The following VWC2 variants were observed in gnomAD, a reference collection of about 807,000 sequenced individuals.
VWC2 encodes brorin.
VWC2 carries 14 observed loss-of-function variants against 29.8 expected under a neutral mutation model. The ratio of observed to expected loss-of-function variants is 0.47; its 90% confidence interval spans 0.31 to 0.74. The LOEUF is 0.74. Among genes scored for constraint, VWC2 ranks in the 30% least tolerant of loss-of-function variants. The probability of loss-of-function intolerance (pLI) is 0.05; values close to 1 mark genes in which losing one functional copy is unlikely to be tolerated. For synonymous variants in VWC2, 213 were observed against 199.0 expected (o/e 1.07, Z -0.59); for missense variants, 457 against 459.8 (o/e 0.99, Z 0.05).
At chr7:49,874,675 A>G (rs1457330180) in intron 3 of VWC2, among the ~76,000 whole-genome samples, 2 of 152,162 alleles carry the variant, frequency 1.3e-5, no homozygotes, top group Non-Finnish European at 2.9e-5. Context: ...TGGAATTTAT[A>G]AAATTGCTGT....
chr7:49,917,754 C>A lies in VWC2; in HGVS notation c.*5569C>A, dbSNP rs1032116491. 6.6e-6 allele frequency: 1 copy of A among 151,902 alleles called. No individual in the cohort carries two copies. Among genetic ancestry groups the A allele is most frequent in the African/African-American group, 2.4e-5 (1 of 41,378 alleles). The allele number at this position is 151,902 out of a possible 1,614,324, so 9.4% of individuals were successfully genotyped here. ...ATTTAGATGATTAATATTTAATGAT[C>A]ATTATTTTATTTAATGATTAATATT... is the stretch of plus-strand genomic sequence containing the variant. On this transcript the variant is annotated 3_prime_UTR_variant, in exon 4 of 4. Coordinates refer to ENST00000340652, the MANE Select transcript of VWC2 (RefSeq NM_198570.5).
intron 1 of VWC2, among the ~76,000 whole-genome samples, chr7:49,774,839 CGCATTTTCCCA>C (rs1788016175): frequency 6.6e-6 from 1 of 152,204 alleles, no homozygotes; most frequent in Admixed American, 6.5e-5. Flanking sequence ...TTAACCTCCC[CGCATTTTCCCA>C]GCACAACCCC....
chr7:49,777,218 T>C (rs1224679280), intron 2 of VWC2, among the ~76,000 whole-genome samples: 1 of 152,208 alleles, frequency 6.6e-6, no homozygotes, highest in Non-Finnish European at 1.5e-5. Context: ...GAGGGCGTTA[T>C]GGAACGTGCA....
At chr7:49,827,333 T>C (rs560186741) in intron 3 of VWC2, among the ~76,000 whole-genome samples, 1 of 152,264 alleles carries the variant, frequency 6.6e-6, no homozygotes, top group South Asian at 2.1e-4. Flanking sequence ...CTTTAAGTGT[T>C]ATTGTATAGT....
At chr7:49,862,149 T>A (rs928905182) in intron 3 of VWC2, among the ~76,000 whole-genome samples, 1 of 152,220 alleles carries the variant, frequency 6.6e-6, no homozygotes, top group African/African-American at 2.4e-5. Flanking sequence ...TTTCTTTAAT[T>A]TCTTTAAGCA....
chr7:49,807,412 C>T (rs566212993), intron 3 of VWC2, among the ~76,000 whole-genome samples: 5 of 152,212 alleles, frequency 3.3e-5, no homozygotes, highest in East Asian at 1.9e-4. Context: ...GTAATTAGCC[C>T]GTTGTGGTTT....
At chr7:49,799,156 C>T (rs1788674239) in intron 2 of VWC2, among the ~76,000 whole-genome samples, 1 of 152,182 alleles carries the variant, frequency 6.6e-6, no homozygotes, top group Non-Finnish European at 1.5e-5. Flanking sequence ...GTGATCAGGG[C>T]CCAACACTGG....
At chr7:49,834,707 A>G (rs753353048) in intron 3 of VWC2, among the ~76,000 whole-genome samples, 4 of 152,222 alleles carry the variant, frequency 2.6e-5, no homozygotes, top group Non-Finnish European at 5.9e-5. Flanking sequence ...GAAATCAAGT[A>G]AGAAGCAAAT....
chr7:49,897,134 A>T (rs2128732986), intron 3 of VWC2, among the ~76,000 whole-genome samples: 1 of 152,104 alleles, frequency 6.6e-6, no homozygotes, highest in East Asian at 1.9e-4. Context: ...TGACCTCATG[A>T]TCCACCCGCC....
intron 3 of VWC2, among the ~76,000 whole-genome samples, chr7:49,898,188 G>T (rs1792492023): frequency 1.3e-5 from 2 of 151,762 alleles, no homozygotes; most frequent in Non-Finnish European, 2.9e-5. Context: ...GTATATATGT[G>T]TGTGTATATA....
At chr7:49,905,300 T>C (rs1437583231) in intron 3 of VWC2, among the ~76,000 whole-genome samples, 3 of 152,164 alleles carry the variant, frequency 2.0e-5, no homozygotes, top group African/African-American at 7.2e-5. Flanking sequence ...AAAGTGACCA[T>C]TCATCACTCA....
intron 3 of VWC2, among the ~76,000 whole-genome samples, chr7:49,894,117 G>A (rs1254485998): frequency 6.6e-6 from 1 of 151,978 alleles, no homozygotes; most frequent in Non-Finnish European, 1.5e-5. Flanking sequence ...AAGGGGAGGA[G>A]ATATGACATA....
chr7:49,874,090 A>G (rs1260721583), intron 3 of VWC2, among the ~76,000 whole-genome samples: 1 of 152,056 alleles, frequency 6.6e-6, no homozygotes, highest in African/African-American at 2.4e-5. Flanking sequence ...AGGAGTAAGG[A>G]CGGGACTGGA....
chr7:49,845,911 A>G (rs1470248277), intron 3 of VWC2, among the ~76,000 whole-genome samples: 1 of 152,160 alleles, frequency 6.6e-6, no homozygotes, highest in African/African-American at 2.4e-5. Flanking sequence ...TTACATATTC[A>G]TCACTGGAGA....
intron 3 of VWC2, among the ~76,000 whole-genome samples, chr7:49,825,523 C>G (rs976263929): frequency 2.6e-5 from 4 of 152,186 alleles, no homozygotes; most frequent in Non-Finnish European, 5.9e-5. Flanking sequence ...TTTTTGCTTA[C>G]AGCTGCTTCT....
At chr7:49,882,106 A>G (rs1051859768) in intron 3 of VWC2, among the ~76,000 whole-genome samples, 4 of 152,192 alleles carry the variant, frequency 2.6e-5, no homozygotes, top group Non-Finnish European at 5.9e-5. Flanking sequence ...ATGTATAAAC[A>G]TAGATTTATA....
rs576614472 is a variant in VWC2 at position 49,913,990 on chromosome 7, C to T, written c.*1805C>T. On this transcript the variant is annotated 3_prime_UTR_variant, in exon 4 of 4. Transcript: ENST00000340652. ...CCAGTACATAGATTTCATGAAAATA[C>T]TCAGGGGAATTATTAGCTAATTGTT... is the stretch of plus-strand genomic sequence containing the variant. The T allele has an allele frequency of 2.0e-5, 3 of 152,164 alleles. No individual in the cohort carries two copies. The highest frequency in any genetic ancestry group is 2.9e-5 in the Non-Finnish European group (2 of 68,030). 9.4% of individuals were successfully genotyped at this position (152,164 alleles called of 1,614,324 possible). A position where few individuals can be genotyped will look rare whatever the true frequency, so the allele number is the denominator to read the frequency against.
intron 2 of VWC2, among the ~76,000 whole-genome samples, chr7:49,782,444 GA>G (rs1788198978): frequency 6.6e-6 from 1 of 152,032 alleles, no homozygotes; most frequent in Non-Finnish European, 1.5e-5. Context: ...CTGGGACTTT[GA>G]GGACAGGGTA....
chr7:49,802,948 A>G (rs1187369756), intron 3 of VWC2, 108 bp downstream of exon 3: 4 of 1,437,708 alleles, frequency 2.8e-6, no homozygotes, highest in Non-Finnish European at 3.8e-6. Context: ...GTTTCATCCT[A>G]TGTATCAATA....
Sources: allele counts gnomAD v4.1 joint callset (sites outside exome capture counted in the v4.1 genomes callset), GRCh38; gene constraint gnomAD v4.1.1; transcripts MANE v1.5; gene names NCBI Gene and HGNC (gene_info 2026-07-23, HGNC 2026-07-21).